The following RASAL1 variants were observed in gnomAD, a reference collection of about 807,000 sequenced individuals.
RASAL1 encodes rasGAP-activating-like protein 1.
RASAL1 carries 72 observed loss-of-function variants against 96.6 expected under a neutral mutation model. That is an observed-to-expected ratio of 0.75 (90% CI 0.62 to 0.91). The LOEUF (loss-of-function observed/expected upper bound fraction) is 0.91. RASAL1 is among the 40% of genes least tolerant of loss of function. The probability of loss-of-function intolerance (pLI) is 0.00; values close to 1 mark genes in which losing one functional copy is unlikely to be tolerated. For missense variants in RASAL1, 1,016 were observed against 1,072.5 expected (o/e 0.95, Z 0.74); for synonymous variants, 405 against 430.4 (o/e 0.94, Z 0.73).
intron 4 of RASAL1, 63 bp from the exon 5 acceptor site, chr12:113,121,701 T>C (rs1399242031): frequency 6.5e-7 from 1 of 1,546,952 alleles, no homozygotes; most frequent in East Asian, 2.3e-5. Context: ...TGTGTTAACT[T>C]AAAAATTCAA....
In RASAL1 at chr12:113,100,069, C is replaced by T; in HGVS notation, c.2279-1G>A. ...CGGGCCAGGACCTCAGGACAGGCCC[C>T]TAGGAGGGAGACAAGAGGCCACAGG... On this transcript the variant is annotated splice_acceptor_variant, in intron 20 of 20. Transcript: ENST00000548055. LOFTEE classifies it high-confidence loss of function. 6.2e-7 allele frequency: 1 copy of T among 1,600,268 alleles called. No individual in the cohort carries two copies. Among genetic ancestry groups the T allele is most frequent in the Non-Finnish European group, 8.5e-7 (1 of 1,172,368 alleles).
chr12:113,107,265 C>G, intron 14 of RASAL1, 24 bp from the exon 15 acceptor site: 1 of 1,568,552 alleles, frequency 6.4e-7, no homozygotes, highest in Non-Finnish European at 8.6e-7. Flanking sequence ...GCGAGGGATG[C>G]CGGGGCCAAG....
chr12:113,100,554 C>T, intron 20 of RASAL1, 74 bp downstream of exon 20: 2 of 1,352,010 alleles, frequency 1.5e-6, no homozygotes, highest in Non-Finnish European at 2.1e-6. Context: ...CCACCTCGGC[C>T]TCCCAAAGTG....
chr12:113,122,941 C>T (rs1461303938), intron 4 of RASAL1, among the ~76,000 whole-genome samples: 1 of 152,110 alleles, frequency 6.6e-6, no homozygotes, highest in African/African-American at 2.4e-5. Flanking sequence ...TATTTTTTCT[C>T]CTTTTCCTCT....
Position 113,105,751 on chromosome 12 carries a change from C to T in RASAL1, c.1793G>A (p.Gly598Glu), listed in dbSNP as rs756981043. The T allele has an allele frequency of 3.1e-6, 5 of 1,613,118 alleles. No individual in the cohort carries two copies. The highest frequency in any genetic ancestry group is 4.2e-6 in the Non-Finnish European group (5 of 1,179,418). The change falls in exon 16 of 21, where the codon GGG (glycine) becomes GAG (glutamate). Residue 598 changes from glycine (G) to glutamate (E), a missense_variant. Transcript: ENST00000548055. ...ACTCTTGGAGAAGGAGAGGGTCTCC[C>T]CGCTGAGCCAGACGTAGCGCTTCTT... ...AFKKRYVWLS[G>E]ETLSFSKSPE...
Position 113,115,648 on chromosome 12 carries a change from C to T in RASAL1, c.990G>A (p.Glu330=), listed in dbSNP as rs1488277864. 3.7e-6 allele frequency: 6 copies of T among 1,613,436 alleles called. No individual in the cohort carries two copies. Among genetic ancestry groups the T allele is most frequent in the Middle Eastern group, 3.6e-4 (2 of 5,526 alleles). ...GRFLDYLTRR[E]VARTMDPNTL... Reference sequence around the variant, plus strand: ...CGGGCAACTCACTGGTCCGAGCCACCTCACGCCGGGTGAGATAGTCCAGAA... The same window carrying T: ...CGGGCAACTCACTGGTCCGAGCCACTTCACGCCGGGTGAGATAGTCCAGAA... Residue 330 remains glutamate, a synonymous_variant, in exon 10 of 21, where the codon GAG becomes GAA. Transcript: ENST00000548055. This position sits in a 1 kb window ranked among gnomAD's most constrained non-coding sequence, Gnocchi z 4.1.
Position 113,115,342 on chromosome 12 carries a change from C to A in RASAL1, c.1004-78G>T. ...CACCCCACTCACCCAAGGTGGGAGTCATGATTCTTCCAGCCCCAAGAATCA... is the reference window on the plus strand; with the variant it reads ...CACCCCACTCACCCAAGGTGGGAGTAATGATTCTTCCAGCCCCAAGAATCA... On this transcript the variant is annotated intron_variant, in intron 10 of 20. Transcript: ENST00000548055. The surrounding 1 kb of genome is among the most constrained non-coding windows in gnomAD (Gnocchi z 4.1). The A allele has an allele frequency of 1.5e-6, 2 of 1,340,196 alleles. No homozygotes were observed. The highest frequency in any genetic ancestry group is 2.3e-5 in the South Asian group (2 of 85,192). The allele number at this position is 1,340,196 out of a possible 1,614,324, so 83.0% of individuals were successfully genotyped here. A position where few individuals can be genotyped will look rare whatever the true frequency, so the allele number is the denominator to read the frequency against.
At position 113,128,972 on chromosome 12, in the gene RASAL1, GACACAC is replaced by G. The variant is rs35122341; in HGVS notation, c.123-800_123-795del. Among the ~76,000 whole-genome samples, 69 of 142,828 alleles carry G rather than the reference GACACAC, an allele frequency of 4.8e-4. 1 individual carries two copies. In the South Asian group the frequency reaches 9.5e-3, roughly 20 times the overall value. 93.7% of individuals were successfully genotyped at this position (142,828 alleles called of 152,430 possible). A position where few individuals can be genotyped will look rare whatever the true frequency, so the allele number is the denominator to read the frequency against. On this transcript the variant is annotated intron_variant, in intron 2 of 20. Coordinates refer to ENST00000548055, the MANE Select transcript of RASAL1 (RefSeq NM_001301202.2). ...ACAGTCATACAAACACACAGTCACT[GACACAC>G]ACACACACACACACACACACACACA...
chr12:113,099,872 C>A lies in RASAL1; in HGVS notation c.*57G>T. 5.8e-6 allele frequency: 9 copies of A among 1,564,294 alleles called. No individual in the cohort carries two copies. In the South Asian group the frequency reaches 9.4e-5, roughly 16 times the overall value. On this transcript the variant is annotated 3_prime_UTR_variant, in exon 21 of 21. Coordinates refer to ENST00000548055, the MANE Select transcript of RASAL1 (RefSeq NM_001301202.2). ...GACAGGAGACTCCCGGGGCAGGATG[C>A]GCTGAAGAGGGCCCCCTGGCTCTTG... is the stretch of plus-strand genomic sequence containing the variant.
rs1014461795 is a variant in RASAL1, at chr12:113,126,638, C to A, written c.298+1174G>T. On this transcript the variant is annotated intron_variant, in intron 4 of 20. Coordinates refer to ENST00000548055, the MANE Select transcript of RASAL1 (RefSeq NM_001301202.2). ...TTGAGACTGCAGTGAGCCAAGACTGCACCACTTCACGACAGCCTGGGTGAC... is the reference window on the plus strand; with the variant it reads ...TTGAGACTGCAGTGAGCCAAGACTGAACCACTTCACGACAGCCTGGGTGAC... Among the ~76,000 whole-genome samples the A allele has an allele frequency of 2.6e-5, 4 of 151,850 alleles. No individual in the cohort carries two copies. In the South Asian group the frequency reaches 8.3e-4, roughly 32 times the overall value.
intron 13 of RASAL1, among the ~76,000 whole-genome samples, chr12:113,111,118 G>A (rs146085296): frequency 8.9e-4 from 135 of 152,196 alleles, no homozygotes; most frequent in African/African-American, 3.1e-3. Context: ...CTTGCGCCTC[G>A]TCTGCCTGAA....
chr12:113,129,922 C>T lies in RASAL1; in HGVS notation c.122+963G>A, dbSNP rs888296601. On this transcript the variant is annotated intron_variant, in intron 2 of 20. Transcript: ENST00000548055. The surrounding 1 kb of genome is among the most constrained non-coding windows in gnomAD (Gnocchi z 5.0). ...GGAGAGACAGCAGCCTGGGGTCACA[C>T]AGAAAATCAATCTGTGGGTTTGGGG... Among the ~76,000 whole-genome samples, 3 of 152,218 alleles carry T rather than the reference C, an allele frequency of 2.0e-5. No homozygotes were observed. The highest frequency in any genetic ancestry group is 7.2e-5 in the African/African-American group (3 of 41,462).
intron 5 of RASAL1, among the ~76,000 whole-genome samples, chr12:113,120,320 G>T (rs1447183858): frequency 6.6e-6 from 1 of 152,168 alleles, no homozygotes; most frequent in Non-Finnish European, 1.5e-5. Context: ...GCTGAGGAAG[G>T]GGCCATGGGC....
Position 113,100,629 on chromosome 12 carries a change from T to C in RASAL1, c.2277A>G (p.Thr759=), listed in dbSNP as rs750574260. ...CTTCTGAGGTACAGGAGCCCTTACC[T>C]GTGTCTGCCTCCAGAGTTGTATCCA... The part of the protein sequence containing the change: ...SNMDTTLEAD[T]GACPEVLARQ... Residue 759 remains threonine, a splice_region_variant and synonymous_variant, in exon 20 of 21, where the codon ACA becomes ACG. Coordinates refer to ENST00000548055, the MANE Select transcript of RASAL1 (RefSeq NM_001301202.2). 1.1e-5 allele frequency: 18 copies of C among 1,607,836 alleles called. No individual in the cohort carries two copies. Among genetic ancestry groups the C allele is most frequent in the Non-Finnish European group, 1.3e-5 (15 of 1,175,174 alleles).
At chr12:113,114,029 A>C (rs910297477) in intron 12 of RASAL1, among the ~76,000 whole-genome samples, 1 of 152,246 alleles carries the variant, frequency 6.6e-6, no homozygotes, top group African/African-American at 2.4e-5. Flanking sequence ...CTTGTGGAGC[A>C]CATGCATGAC....
chr12:113,130,429 C>T lies in RASAL1; in HGVS notation c.122+456G>A, dbSNP rs1022919289. On this transcript the variant is annotated intron_variant, in intron 2 of 20. Transcript: ENST00000548055. The surrounding 1 kb of genome is among the most constrained non-coding windows in gnomAD (Gnocchi z 5.1). ...CTGCACAGCCACGAGGACATACACACGTGGTCACAGGCACTCACACTAGCC... is the reference window on the plus strand; with the variant it reads ...CTGCACAGCCACGAGGACATACACATGTGGTCACAGGCACTCACACTAGCC... Among the ~76,000 whole-genome samples, 1 of 152,220 alleles carries T rather than the reference C, an allele frequency of 6.6e-6. No homozygotes were observed. Among genetic ancestry groups the T allele is most frequent in the Non-Finnish European group, 1.5e-5 (1 of 68,026 alleles).
chr12:113,105,849 C>T lies in RASAL1; in HGVS notation c.1695G>A (p.Ser565=), dbSNP rs368835731. The change falls in exon 16 of 21, where the codon TCG becomes TCA. Residue 565 remains serine, a synonymous_variant. Coordinates refer to ENST00000548055, the MANE Select transcript of RASAL1 (RefSeq NM_001301202.2). ...GCAGATAGCCTTCTCGAACAATGGC[C>T]GAGGGCGGGAACAGGGCCCTGGCTG... is the stretch of plus-strand genomic sequence containing the variant. ...GVPARALFPP[S]AIVREGYLLK... is the part of the protein sequence containing the mutation. 71 of 1,613,896 alleles carry T rather than the reference C, an allele frequency of 4.4e-5. No individual in the cohort carries two copies. The Middle Eastern group carries it at 6.6e-4, about 15-fold the overall frequency.
rs755255929 is a variant in RASAL1, at chr12:113,104,269, G to A, written c.1860C>T (p.Ile620=). Residue 620 remains isoleucine, a synonymous_variant, in exon 17 of 21, where the codon ATC becomes ATT. Coordinates refer to ENST00000548055, the MANE Select transcript of RASAL1 (RefSeq NM_001301202.2). ...CCTCGTCTACGCGCTCCACGGCGCG[G>A]ATGTGAGACACGGGGATGGAGTGAC... The part of the protein sequence containing the change: ...QMCHSIPVSH[I]RAVERVDEGA... The A allele has an allele frequency of 3.1e-5, 49 of 1,585,038 alleles. No individual in the cohort carries two copies. Among genetic ancestry groups the A allele is most frequent in the Non-Finnish European group, 4.0e-5 (47 of 1,165,776 alleles).
At chr12:113,121,251 C>G (rs1456554065) in intron 5 of RASAL1, among the ~76,000 whole-genome samples, 1 of 152,216 alleles carries the variant, frequency 6.6e-6, no homozygotes, top group East Asian at 1.9e-4. Context: ...TTAATGACTA[C>G]ACCTCCACAC....
Sources: gnomAD v4.1 joint callset for allele counts (sites outside exome capture counted in the v4.1 genomes callset) on GRCh38, gnomAD v4.1.1 for gene constraint, Gnocchi (gnomAD v3.1) non-coding constraint, MANE v1.5 for transcripts, NCBI Gene and HGNC (gene_info 2026-07-23, HGNC 2026-07-21) for gene names.